CCDC146: variants seen among roughly 807,000 people sequenced by gnomAD.
CCDC146 encodes coiled-coil domain-containing protein 146.
In CCDC146, 92 loss-of-function variants were observed where a neutral mutation model predicts 119.3. That is an observed-to-expected ratio of 0.77 (90% confidence interval 0.65 to 0.92). The LOEUF (loss-of-function observed/expected upper bound fraction) is 0.92. Ranked by LOEUF, CCDC146 falls within the 40% of genes least tolerant of loss-of-function variation. CCDC146 has a pLI of 0.00. For synonymous variants in CCDC146, 372 were observed against 371.8 expected (o/e 1.00, Z -0.01); for missense variants, 1,000 against 1,103.0 (o/e 0.91, Z 1.32).
At chr7:77,186,691 G>A (rs1791672704) in intron 2 of CCDC146, among the ~76,000 whole-genome samples, 1 of 152,142 alleles carries the variant, frequency 6.6e-6, no homozygotes, top group African/African-American at 2.4e-5. Flanking sequence ...CACTTCATCT[G>A]AATTACATTT....
chr7:77,253,331 A>G (rs927890373), intron 4 of CCDC146, among the ~76,000 whole-genome samples: 1 of 152,222 alleles, frequency 6.6e-6, no homozygotes, highest in Non-Finnish European at 1.5e-5. Context: ...TACCTCAGGA[A>G]TGCAATTGTC....
At chr7:77,285,288 T>A (rs961376501) in intron 15 of CCDC146, among the ~76,000 whole-genome samples, 17 of 152,216 alleles carry the variant, frequency 1.1e-4, no homozygotes, top group Admixed American at 9.8e-4. Context: ...TCTTATTTAG[T>A]TTCCTAATTA....
At chr7:77,149,840 A>G (rs1331704630) in intron 1 of CCDC146, among the ~76,000 whole-genome samples, 2 of 151,930 alleles carry the variant, frequency 1.3e-5, no homozygotes, top group Non-Finnish European at 2.9e-5. Context: ...AATAAATACT[A>G]TATTTTACTA....
intron 1 of CCDC146, among the ~76,000 whole-genome samples, chr7:77,154,741 G>C (rs1174883962): frequency 6.6e-6 from 1 of 152,114 alleles, no homozygotes; most frequent in Non-Finnish European, 1.5e-5. Context: ...CTTTGCTATT[G>C]TGAATAGTGC....
intron 1 of CCDC146, among the ~76,000 whole-genome samples, chr7:77,147,161 G>A (rs145880103): frequency 1.8e-3 from 267 of 152,076 alleles, no homozygotes; most frequent in Non-Finnish European, 2.1e-3. Context: ...TCATTCATTT[G>A]ATCTTCAATC....
intron 17 of CCDC146, among the ~76,000 whole-genome samples, chr7:77,289,107 A>T (rs1279867560): frequency 6.6e-6 from 1 of 152,208 alleles, no homozygotes; most frequent in East Asian, 1.9e-4. Context: ...CTGCCACTGG[A>T]CTGATGCGAA....
intron 2 of CCDC146, among the ~76,000 whole-genome samples, chr7:77,206,686 C>CAT (rs1234202930): frequency 0.088 from 13,143 of 150,150 alleles, 1,655 homozygotes; most frequent in African/African-American, 0.28. Flanking sequence ...CACACACACA[C>CAT]ACACATACAT....
intron 8 of CCDC146, among the ~76,000 whole-genome samples, chr7:77,261,022 A>G (rs759886971): frequency 6.6e-6 from 1 of 152,178 alleles, no homozygotes. Flanking sequence ...ATAAGACTGC[A>G]GTTCTAAATG....
intron 1 of CCDC146, among the ~76,000 whole-genome samples, chr7:77,159,647 A>G (rs949075733): frequency 3.9e-5 from 6 of 152,208 alleles, no homozygotes; most frequent in African/African-American, 1.4e-4. Flanking sequence ...TGGATATATA[A>G]CCAGAAGAAT....
rs147019624 is a variant in CCDC146, at chr7:77,213,709, T to C, written c.157-23238T>C. 3.6e-3 allele frequency among the ~76,000 whole-genome samples: 554 copies of C among 152,302 alleles called. 2 individuals are homozygous for C. The highest frequency in any genetic ancestry group is 0.012 in the African/African-American group (519 of 41,562). On this transcript the variant is annotated intron_variant, in intron 2 of 18. Coordinates refer to ENST00000285871, the MANE Select transcript of CCDC146 (RefSeq NM_020879.3). ...CTATTGTTTAGCTCCCACTTATAAG[T>C]TAGAAAATGAATACTTTGATTTTGT...
intron 2 of CCDC146, among the ~76,000 whole-genome samples, chr7:77,204,749 A>G (rs10488499): frequency 0.1 from 15,811 of 152,302 alleles, 1,108 homozygotes; most frequent in Non-Finnish European, 0.16. Flanking sequence ...GCCAGGGATC[A>G]TGAAGGATCC....
intron 1 of CCDC146, among the ~76,000 whole-genome samples, chr7:77,143,655 AC>A: frequency 6.6e-6 from 1 of 151,756 alleles, no homozygotes; most frequent in Non-Finnish European, 1.5e-5. Flanking sequence ...TTTTCACAGC[AC>A]CATTTTTTAA....
At chr7:77,169,281 G>A (rs1791382736) in intron 2 of CCDC146, among the ~76,000 whole-genome samples, 1 of 152,150 alleles carries the variant, frequency 6.6e-6, no homozygotes, top group African/African-American at 2.4e-5. Context: ...AGGAACACAT[G>A]ATGTTGCCTT....
intron 1 of CCDC146, among the ~76,000 whole-genome samples, chr7:77,141,808 A>G: frequency 6.6e-6 from 1 of 151,882 alleles, no homozygotes; most frequent in East Asian, 1.9e-4. Context: ...TAGATTCTGG[A>G]TATTAGCCCT....
chr7:77,147,663 G>C (rs1365435090), intron 1 of CCDC146, among the ~76,000 whole-genome samples: 1 of 152,200 alleles, frequency 6.6e-6, no homozygotes, highest in Non-Finnish European at 1.5e-5. Flanking sequence ...GTTGGAGTTT[G>C]CTGGAGGTCC....
At chr7:77,205,265 A>C (rs564380254) in intron 2 of CCDC146, among the ~76,000 whole-genome samples, 4 of 152,350 alleles carry the variant, frequency 2.6e-5, no homozygotes, top group African/African-American at 9.6e-5. Flanking sequence ...TAGGTTTCTA[A>C]GAGCCTCTGG....
chr7:77,230,491 G>GGT (rs1178975249), intron 2 of CCDC146, among the ~76,000 whole-genome samples: 5 of 73,290 alleles, frequency 6.8e-5, no homozygotes, highest in East Asian at 3.6e-4. Flanking sequence ...TTGGTTGACA[G>GGT]GTATGTGTGT....
chr7:77,183,000 A>G (rs1791612652), intron 2 of CCDC146, among the ~76,000 whole-genome samples: 1 of 152,046 alleles, frequency 6.6e-6, no homozygotes, highest in Non-Finnish European at 1.5e-5. Flanking sequence ...CTAAAAACCC[A>G]TCTCAACACA....
chr7:77,294,760 T>C lies in CCDC146; in HGVS notation c.2762T>C (p.Leu921Pro). 6.2e-7 allele frequency: 1 copy of C among 1,614,192 alleles called. No individual in the cohort carries two copies. The highest frequency in any genetic ancestry group is 8.5e-7 in the Non-Finnish European group (1 of 1,180,030). ...TACATCCCAGAAGCAGATGCCACTCTTCCTTTGCCAAAACCTTATGGTGCT... is the reference window on the plus strand; with the variant it reads ...TACATCCCAGAAGCAGATGCCACTCCTCCTTTGCCAAAACCTTATGGTGCT... Reference protein sequence around the residue: ...NAYIPEADATLPLPKPYGALA... With the variant: ...NAYIPEADATPPLPKPYGALA... The change falls in exon 19 of 19, where the codon CTT becomes CCT. Residue 921 changes from leucine to proline, a missense_variant. Physicochemically the swap from Leu to Pro is moderately conservative, Grantham distance 98 (BLOSUM62 -3). This residue lies in a region of CCDC146 where 985 missense variants were observed against 1,045.3 expected (regional missense o/e 0.94). Transcript: ENST00000285871.
Sources: allele counts gnomAD v4.1 joint callset (sites outside exome capture counted in the v4.1 genomes callset), GRCh38; gene constraint gnomAD v4.1.1; regional missense constraint gnomAD v4.1.1; transcripts MANE v1.5; gene names NCBI Gene and HGNC (gene_info 2026-07-23, HGNC 2026-07-21).